Variants in TMEM132D observed in about 807,000 individuals in gnomAD.
TMEM132D encodes the protein mature OL transmembrane protein.
In TMEM132D, 21 loss-of-function variants were observed where a neutral mutation model predicts 62.3. The ratio of observed to expected loss-of-function variants is 0.34; its 90% CI spans 0.24 to 0.49. The LOEUF is 0.49. Among genes scored for constraint, TMEM132D ranks in the 20% least tolerant of loss-of-function variants. TMEM132D has a pLI of 0.99. For synonymous variants in TMEM132D, 621 were observed against 575.6 expected (o/e 1.08, Z -1.13); for missense variants, 1,346 against 1,402.8 (o/e 0.96, Z 0.65).
intron 1 of TMEM132D, among the ~76,000 whole-genome samples, chr12:129,757,648 C>T (rs930388265): frequency 1.1e-4 from 17 of 152,152 alleles, no homozygotes; most frequent in African/African-American, 3.9e-4. Context: ...TCATGACTTC[C>T]TCCAGAGCTG....
At chr12:129,183,506 G>A (rs1328367461) in intron 5 of TMEM132D, among the ~76,000 whole-genome samples, 10 of 152,230 alleles carry the variant, frequency 6.6e-5, no homozygotes. Flanking sequence ...TGAGCTCCTA[G>A]ACAACAGGAT....
intron 4 of TMEM132D, among the ~76,000 whole-genome samples, chr12:129,223,035 G>T (rs919783461): frequency 1.3e-5 from 2 of 151,992 alleles, no homozygotes; most frequent in African/African-American, 2.4e-5. Context: ...ATGTTTATTT[G>T]CCAGTTATAC....
chr12:129,660,071 G>A (rs1163875563), intron 2 of TMEM132D, among the ~76,000 whole-genome samples: 1 of 152,186 alleles, frequency 6.6e-6, no homozygotes, highest in Non-Finnish European at 1.5e-5. Context: ...GAAGAGTTAT[G>A]CCTGCCAGGA....
chr12:129,330,113 A>G (rs950353800), intron 4 of TMEM132D, among the ~76,000 whole-genome samples: 2 of 152,174 alleles, frequency 1.3e-5, no homozygotes, highest in Admixed American at 1.3e-4. Context: ...GAGGGAAGAG[A>G]TTCCTTAACG....
chr12:129,340,446 AT>A (rs1869434028), intron 3 of TMEM132D, among the ~76,000 whole-genome samples: 1 of 151,862 alleles, frequency 6.6e-6, no homozygotes, highest in South Asian at 2.1e-4. Context: ...TCCTAATGCT[AT>A]CCTTCCCCCT....
At chr12:129,653,363 C>T (rs1049370726) in intron 2 of TMEM132D, among the ~76,000 whole-genome samples, 3 of 152,088 alleles carry the variant, frequency 2.0e-5, no homozygotes, top group Non-Finnish European at 4.4e-5. Context: ...TGGTGATGGC[C>T]GATGGATGGT....
At chr12:129,410,161 A>G (rs1871921997) in intron 3 of TMEM132D, among the ~76,000 whole-genome samples, 1 of 152,142 alleles carries the variant, frequency 6.6e-6, no homozygotes, top group African/African-American at 2.4e-5. Flanking sequence ...AGAGGTGGCC[A>G]GAGCCACCGA....
intron 1 of TMEM132D, among the ~76,000 whole-genome samples, chr12:129,752,367 T>A (rs1023554758): frequency 2.0e-5 from 3 of 152,222 alleles, no homozygotes; most frequent in African/African-American, 7.2e-5. Flanking sequence ...TTCCTCTCTT[T>A]AACTCAGATT....
intron 2 of TMEM132D, among the ~76,000 whole-genome samples, chr12:129,640,108 T>G (rs926796618): frequency 6.6e-6 from 1 of 152,068 alleles, no homozygotes; most frequent in African/African-American, 2.4e-5. Context: ...CTAGGCTATA[T>G]GGTACAGCCT....
At chr12:129,635,038 C>G (rs1238567059) in intron 2 of TMEM132D, among the ~76,000 whole-genome samples, 2 of 152,178 alleles carry the variant, frequency 1.3e-5, no homozygotes, top group African/African-American at 4.8e-5. Flanking sequence ...CACTTCCCCA[C>G]AAAGTACCTA....
intron 1 of TMEM132D, among the ~76,000 whole-genome samples, chr12:129,738,350 C>T (rs1013633427): frequency 9.8e-5 from 14 of 142,674 alleles, no homozygotes; most frequent in East Asian, 2.0e-4. Context: ...ACGAAAGAAA[C>T]GGAGAAGAAA....
chr12:129,332,413 T>C (rs575061647), intron 4 of TMEM132D, among the ~76,000 whole-genome samples: 2 of 152,302 alleles, frequency 1.3e-5, no homozygotes, highest in African/African-American at 4.8e-5. Context: ...TAGCTTTCGA[T>C]GCAAGCACCT....
chr12:129,578,160 T>G (rs269154), intron 2 of TMEM132D, among the ~76,000 whole-genome samples: 19 of 152,030 alleles, frequency 1.2e-4, no homozygotes, highest in East Asian at 3.9e-4. Flanking sequence ...TCTTCTCCCC[T>G]CTTCCTCAGT....
At chr12:129,132,440 T>C (rs1391778962) in intron 5 of TMEM132D, among the ~76,000 whole-genome samples, 3 of 152,234 alleles carry the variant, frequency 2.0e-5, no homozygotes, top group African/African-American at 7.2e-5. Flanking sequence ...CATTTGGGAA[T>C]GTAAGTAGGA....
At chr12:129,762,636 C>A (rs886496445) in intron 1 of TMEM132D, among the ~76,000 whole-genome samples, 5 of 152,056 alleles carry the variant, frequency 3.3e-5, no homozygotes, top group African/African-American at 1.2e-4. Context: ...GCTGCAAACC[C>A]TTGGGCTTTC....
At chr12:129,643,974 C>A (rs1364598122) in intron 2 of TMEM132D, among the ~76,000 whole-genome samples, 2 of 151,980 alleles carry the variant, frequency 1.3e-5, no homozygotes, top group Admixed American at 1.3e-4. Context: ...CCTACCTCAG[C>A]CTCCCAAGTA....
At chr12:129,582,797 G>C (rs1877912085) in intron 2 of TMEM132D, among the ~76,000 whole-genome samples, 1 of 151,942 alleles carries the variant, frequency 6.6e-6, no homozygotes, top group South Asian at 2.1e-4. Context: ...TTCTTTTTTT[G>C]TATTTTCAGT....
rs35875993 is a variant in TMEM132D, at chr12:129,354,315, G to GTATATATATATATATATA, written c.1116-16516_1116-16499dup. The stretch of plus-strand genomic sequence containing the variant: ...TGATGCAAAAACTAAACTTTATTGG[G>GTATATATATATATATATA]TATATATATATATATATACATATTT... On this transcript the variant is annotated intron_variant, in intron 3 of 8. Transcript: ENST00000422113. Among the ~76,000 whole-genome samples the GTATATATATATATATATA allele has an allele frequency of 2.1e-3, 309 of 147,982 alleles. 1 individual carries two copies. The highest frequency in any genetic ancestry group is 7.3e-3 in the African/African-American group (291 of 39,662).
intron 3 of TMEM132D, among the ~76,000 whole-genome samples, chr12:129,494,877 A>G (rs1440742780): frequency 6.6e-6 from 1 of 152,096 alleles, no homozygotes; most frequent in East Asian, 1.9e-4. Flanking sequence ...ATCCTCAAAC[A>G]CTTCAGACAT....
Sources: gnomAD v4.1 joint callset for allele counts (sites outside exome capture counted in the v4.1 genomes callset) on GRCh38, gnomAD v4.1.1 for gene constraint, MANE v1.5 for transcripts, NCBI Gene and HGNC (gene_info 2026-07-23, HGNC 2026-07-21) for gene names.